CCDC60: variants seen among roughly 807,000 people sequenced by gnomAD.
The protein encoded by CCDC60 is coiled-coil domain containing 60.
In CCDC60, 54 loss-of-function variants were observed where a neutral mutation model predicts 63.5. The observed-to-expected ratio is 0.85, with a 90% CI of 0.68 to 1.07. CCDC60 has a LOEUF of 1.07. CCDC60 is among the 50% of genes least tolerant of loss of function. The probability of loss-of-function intolerance (pLI) is 0.00; values close to 1 mark genes in which losing one functional copy is unlikely to be tolerated. For missense variants in CCDC60, 651 were observed against 684.3 expected (o/e 0.95, Z 0.54); for synonymous variants, 206 against 238.8 (o/e 0.86, Z 1.27).
In CCDC60 at chr12:119,505,292, C is replaced by T. The variant is rs748838815; in HGVS notation, c.872C>T (p.Pro291Leu). The T allele has an allele frequency of 1.9e-5, 31 of 1,605,446 alleles. No individual in the cohort carries two copies. Among genetic ancestry groups the T allele is most frequent in the Admixed American group, 5.0e-5 (3 of 59,996 alleles). The change falls in exon 7 of 14, where the codon CCT becomes CTT. Residue 291 changes from proline to leucine, a missense_variant. Physicochemically the swap from Pro to Leu is moderately conservative, Grantham distance 98 (BLOSUM62 -3). Coordinates refer to ENST00000327554, the MANE Select transcript of CCDC60 (RefSeq NM_178499.5). ...TCTTCAACCAAGCCAGATGAAGAAC[C>T]TCTGTATATGAGTAAGTCCTACCTG... ...ESSSTKPDEEPLYMNLQKLLE... is the reference protein window; with the variant it reads ...ESSSTKPDEELLYMNLQKLLE...
intron 4 of CCDC60, 137 bp downstream of exon 4, chr12:119,479,338 A>G: frequency 1.6e-6 from 1 of 618,708 alleles, no homozygotes; most frequent in Non-Finnish European, 2.8e-6. Context: ...GAGCTGGCAA[A>G]GCTATTTGGC....
chr12:119,402,368 C>T (rs1956407635), intron 1 of CCDC60: 1 of 152,230 alleles, frequency 6.6e-6, no homozygotes, highest in Admixed American at 6.5e-5. Context: ...CCTGAGTCTT[C>T]CATTCCTTTG....
At chr12:119,373,325 A>C (rs1955916761) in intron 1 of CCDC60, among the ~76,000 whole-genome samples, 1 of 152,148 alleles carries the variant, frequency 6.6e-6, no homozygotes, top group African/African-American at 2.4e-5. Flanking sequence ...TGATTGACCT[A>C]AAGAAAAGCT....
Position 119,420,261 on chromosome 12 carries a change from T to C in CCDC60, c.91-8422T>C, listed in dbSNP as rs1956788793. On this transcript the variant is annotated intron_variant, in intron 1 of 13. Transcript: ENST00000327554. The surrounding 1 kb of genome is among the most constrained non-coding windows in gnomAD (Gnocchi z 4.1). ...GTCACTAATTCTGGGTATCTCTATGTGGGTAGGTACACATCTTACATTCTT... is the reference window on the plus strand; with the variant it reads ...GTCACTAATTCTGGGTATCTCTATGCGGGTAGGTACACATCTTACATTCTT... Among the ~76,000 whole-genome samples the C allele has an allele frequency of 1.3e-5, 2 of 152,034 alleles. No homozygotes were observed. The highest frequency in any genetic ancestry group is 3.9e-4 in the East Asian group (2 of 5,194).
Position 119,523,755 on chromosome 12 carries a change from A to G in CCDC60, c.1166A>G (p.Lys389Arg). 3.1e-6 allele frequency: 5 copies of G among 1,614,234 alleles called. No homozygotes were observed. Among genetic ancestry groups the G allele is most frequent in the Non-Finnish European group, 4.2e-6 (5 of 1,180,032 alleles). The change falls in exon 11 of 14, where the codon AAG (lysine) becomes AGG (arginine). Residue 389 changes from lysine (K) to arginine (R), a missense_variant. By Grantham distance (26) the Lys-to-Arg change is conservative. Coordinates refer to ENST00000327554, the MANE Select transcript of CCDC60 (RefSeq NM_178499.5). The part of the protein sequence containing the change: ...KSGVCNTMRA[K>R]FYSVAQEAGF... ...GGGGTGTGTAACACCATGAGGGCCA[A>G]GTTTTACAGCGTAGCCCAGGAGGCT... is the stretch of plus-strand genomic sequence containing the variant.
intron 1 of CCDC60, among the ~76,000 whole-genome samples, chr12:119,354,344 C>T (rs1054315130): frequency 6.6e-6 from 1 of 152,144 alleles, no homozygotes; most frequent in Non-Finnish European, 1.5e-5. Flanking sequence ...AATGTGCTTT[C>T]GTCTGCCTGG....
chr12:119,428,165 AAG>A (rs1956932890), intron 1 of CCDC60, among the ~76,000 whole-genome samples: 1 of 152,146 alleles, frequency 6.6e-6, no homozygotes, highest in Non-Finnish European at 1.5e-5. Flanking sequence ...TGGGAGCAGG[AAG>A]AGAGGGGAAG....
At chr12:119,520,320 T>C (rs1022869061) in intron 9 of CCDC60, 128 bp downstream of exon 9, 1 of 740,956 alleles carries the variant, frequency 1.3e-6, no homozygotes, top group Non-Finnish European at 2.2e-6. Flanking sequence ...TTCCTTCTTA[T>C]GACCTCACTA....
At chr12:119,516,919 A>T (rs563526474) in intron 8 of CCDC60, among the ~76,000 whole-genome samples, 1 of 152,198 alleles carries the variant, frequency 6.6e-6, no homozygotes, top group Admixed American at 6.5e-5. Flanking sequence ...CAGAGAGCCT[A>T]TGTGACTAGT....
At chr12:119,479,271 A>G in intron 4 of CCDC60, 70 bp downstream of exon 4, 2 of 1,060,132 alleles carry the variant, frequency 1.9e-6, no homozygotes, top group Non-Finnish European at 2.9e-6. Context: ...AAATGACTCA[A>G]CGAGCTGTCA....
intron 8 of CCDC60, among the ~76,000 whole-genome samples, chr12:119,518,731 T>A (rs1039922605): frequency 3.9e-5 from 6 of 151,988 alleles, no homozygotes; most frequent in African/African-American, 1.2e-4. Flanking sequence ...GGGATGGTGG[T>A]GGGGACGGTT....
intron 5 of CCDC60, among the ~76,000 whole-genome samples, chr12:119,498,844 G>A (rs996989807): frequency 3.3e-5 from 5 of 152,192 alleles, no homozygotes; most frequent in African/African-American, 4.8e-5. Context: ...GAGATCACAC[G>A]TTGAGACTCC....
intron 2 of CCDC60, among the ~76,000 whole-genome samples, chr12:119,467,949 A>C (rs546740136): frequency 1.3e-5 from 2 of 152,244 alleles, no homozygotes; most frequent in East Asian, 3.9e-4. Flanking sequence ...ATTCCACCTC[A>C]TATTCACTGC....
At chr12:119,483,916 T>C (rs2136360064) in intron 4 of CCDC60, among the ~76,000 whole-genome samples, 1 of 151,974 alleles carries the variant, frequency 6.6e-6, no homozygotes, top group Admixed American at 6.5e-5. Context: ...GACCGATTTC[T>C]ATCAAGCATG....
intron 7 of CCDC60, among the ~76,000 whole-genome samples, chr12:119,514,875 T>C (rs1229874014): frequency 6.6e-6 from 1 of 152,216 alleles, no homozygotes; most frequent in African/African-American, 2.4e-5. Flanking sequence ...AGGTGTACTA[T>C]TTTTTATCTC....
At chr12:119,523,645 G>A (rs769696302) in intron 10 of CCDC60, 48 bp from the exon 11 acceptor site, 170 of 1,608,306 alleles carry the variant, frequency 1.1e-4, no homozygotes, top group Non-Finnish European at 1.4e-4. Flanking sequence ...GTTACTAGGG[G>A]ACATCCCTGG....
At chr12:119,408,976 T>C (rs1956544881) in intron 1 of CCDC60, among the ~76,000 whole-genome samples, 1 of 152,180 alleles carries the variant, frequency 6.6e-6, no homozygotes, top group South Asian at 2.1e-4. Context: ...ACAGAAGCCA[T>C]GTTTATCCTG....
intron 1 of CCDC60, among the ~76,000 whole-genome samples, chr12:119,408,103 A>G (rs561693247): frequency 1.3e-5 from 2 of 152,230 alleles, no homozygotes. Context: ...GGAGACTGTT[A>G]TAGTCAAAGA....
intron 1 of CCDC60, among the ~76,000 whole-genome samples, chr12:119,404,022 T>A (rs2136183175): frequency 6.6e-6 from 1 of 152,316 alleles, no homozygotes; most frequent in South Asian, 2.1e-4. Flanking sequence ...GCACAGTGGC[T>A]CATGCCTAGA....
Sources: allele counts gnomAD v4.1 joint callset (sites outside exome capture counted in the v4.1 genomes callset), GRCh38; gene constraint gnomAD v4.1.1; non-coding constraint Gnocchi (gnomAD v3.1); transcripts MANE v1.5; gene names NCBI Gene and HGNC (gene_info 2026-07-23, HGNC 2026-07-21).